The following HS6ST3 variants were observed in gnomAD, a reference collection of about 807,000 sequenced individuals.
HS6ST3 encodes the protein heparan sulfate 6-O-sulfotransferase 3.
Under a neutral mutation model 36.7 loss-of-function variants are expected in HS6ST3, and 12 were observed. The ratio of observed to expected loss-of-function variants is 0.33; its 90% CI spans 0.21 to 0.53. The LOEUF (loss-of-function observed/expected upper bound fraction) is 0.53, where lower values mean the gene tolerates loss of function less well. HS6ST3 is among the 20% of genes least tolerant of loss of function. The probability of loss-of-function intolerance (pLI) is 0.95; values close to 1 mark genes in which losing one functional copy is unlikely to be tolerated. For synonymous variants in HS6ST3, 240 were observed against 257.5 expected, an observed-to-expected ratio of 0.93 and a Z score of 0.65; for missense variants, 584 against 640.9, an observed-to-expected ratio of 0.91 and a Z score of 0.96.
At chr13:96,451,247 C>T (rs925804750) in intron 1 of HS6ST3, among the ~76,000 whole-genome samples, 1 of 151,710 alleles carries the variant, frequency 6.6e-6, no homozygotes, top group Non-Finnish European at 1.5e-5. Flanking sequence ...ATAAATAAAT[C>T]CAATGATGTT....
intron 1 of HS6ST3, among the ~76,000 whole-genome samples, chr13:96,194,061 C>T (rs144727746): frequency 3.3e-5 from 5 of 152,304 alleles, no homozygotes; most frequent in Non-Finnish European, 5.9e-5. Flanking sequence ...GTGGAATTCT[C>T]TTTTAATCTG....
chr13:96,175,081 C>T (rs890206203), intron 1 of HS6ST3, among the ~76,000 whole-genome samples: 2 of 152,148 alleles, frequency 1.3e-5, no homozygotes, highest in East Asian at 1.9e-4. Context: ...AGAATTTTTT[C>T]ATGACTGCTT....
At chr13:96,607,140 A>T (rs1002049442) in intron 1 of HS6ST3, among the ~76,000 whole-genome samples, 2 of 152,238 alleles carry the variant, frequency 1.3e-5, no homozygotes, top group African/African-American at 4.8e-5. Flanking sequence ...AATTGTGAAC[A>T]TCAAAACATT....
intron 1 of HS6ST3, among the ~76,000 whole-genome samples, chr13:96,234,316 A>C (rs994160836): frequency 1.3e-5 from 2 of 152,096 alleles, no homozygotes; most frequent in African/African-American, 4.8e-5. Context: ...AGGCTGAGGC[A>C]AGAGAATCGT....
intron 1 of HS6ST3, among the ~76,000 whole-genome samples, chr13:96,741,957 T>C (rs1376046840): frequency 6.6e-6 from 1 of 152,184 alleles, no homozygotes; most frequent in East Asian, 1.9e-4. Context: ...CTGCCTTCTA[T>C]GTGATTCATT....
chr13:96,211,667 A>C (rs1326188156), intron 1 of HS6ST3, among the ~76,000 whole-genome samples: 1 of 152,092 alleles, frequency 6.6e-6, no homozygotes, highest in East Asian at 1.9e-4. Flanking sequence ...CTCTTCTAGG[A>C]CAAAAAAAGA....
At chr13:96,825,704 C>T (rs988819603) in intron 1 of HS6ST3, among the ~76,000 whole-genome samples, 11 of 152,212 alleles carry the variant, frequency 7.2e-5, no homozygotes, top group Non-Finnish European at 1.2e-4. Flanking sequence ...TCAGAGCCTA[C>T]GGCAATTGGG....
At chr13:96,279,834 A>G (rs1390474930) in intron 1 of HS6ST3, among the ~76,000 whole-genome samples, 1 of 152,218 alleles carries the variant, frequency 6.6e-6, no homozygotes, top group South Asian at 2.1e-4. Context: ...AATTGCACCT[A>G]TAGTTTGGTG....
At chr13:96,800,963 C>G (rs1878051702) in intron 1 of HS6ST3, among the ~76,000 whole-genome samples, 1 of 152,080 alleles carries the variant, frequency 6.6e-6, no homozygotes, top group Non-Finnish European at 1.5e-5. Flanking sequence ...GTGCCATTGT[C>G]CCCAATTTCT....
intron 1 of HS6ST3, among the ~76,000 whole-genome samples, chr13:96,334,894 A>T (rs1393959806): frequency 6.6e-6 from 1 of 152,176 alleles, no homozygotes; most frequent in Non-Finnish European, 1.5e-5. Context: ...GGACTAACAC[A>T]TAGGTATAAG....
At chr13:96,344,706 T>G (rs566288098) in intron 1 of HS6ST3, among the ~76,000 whole-genome samples, 1 of 152,350 alleles carries the variant, frequency 6.6e-6, no homozygotes, top group African/African-American at 2.4e-5. Flanking sequence ...TTTCACTTCC[T>G]TCATTTGATG....
chr13:96,690,067 A>G (rs1874908375), intron 1 of HS6ST3, among the ~76,000 whole-genome samples: 1 of 152,084 alleles, frequency 6.6e-6, no homozygotes, highest in Non-Finnish European at 1.5e-5. Context: ...GGACATTGCT[A>G]AGTCATAGGT....
chr13:96,257,871 G>A (rs2054644825), intron 1 of HS6ST3, among the ~76,000 whole-genome samples: 1 of 152,164 alleles, frequency 6.6e-6, no homozygotes, highest in Non-Finnish European at 1.5e-5. Context: ...AGAAATCTTT[G>A]TGTTACAAGA....
intron 1 of HS6ST3, among the ~76,000 whole-genome samples, chr13:96,426,072 G>C (rs1480035520): frequency 1.3e-5 from 2 of 150,648 alleles, no homozygotes; most frequent in Non-Finnish European, 2.9e-5. Context: ...CACTTGTGTA[G>C]GTCAAATATT....
chr13:96,210,367 C>G (rs1048769431), intron 1 of HS6ST3, among the ~76,000 whole-genome samples: 5 of 152,164 alleles, frequency 3.3e-5, no homozygotes, highest in African/African-American at 1.2e-4. Context: ...AAACGCACTC[C>G]CCTCTCGCCA....
chr13:96,422,855 T>G (rs1196615921), intron 1 of HS6ST3, among the ~76,000 whole-genome samples: 1 of 152,212 alleles, frequency 6.6e-6, no homozygotes, highest in Non-Finnish European at 1.5e-5. Flanking sequence ...TTAAAATAAG[T>G]TTTCTCCTTT....
intron 1 of HS6ST3, among the ~76,000 whole-genome samples, chr13:96,120,532 A>G (rs559780342): frequency 6.6e-6 from 1 of 152,330 alleles, no homozygotes; most frequent in South Asian, 2.1e-4. Flanking sequence ...TATTTCCTAT[A>G]CATCATAGAG....
intron 1 of HS6ST3, among the ~76,000 whole-genome samples, chr13:96,450,151 G>A (rs2055720602): frequency 6.6e-6 from 1 of 152,218 alleles, no homozygotes; most frequent in Admixed American, 6.5e-5. Context: ...TGGCAGGTCA[G>A]TGAATTTGGA....
At chr13:96,134,529 A>G (rs1281213720) in intron 1 of HS6ST3, among the ~76,000 whole-genome samples, 3 of 151,984 alleles carry the variant, frequency 2.0e-5, no homozygotes, top group Non-Finnish European at 4.4e-5. Flanking sequence ...CTTGGTAACT[A>G]TTGTATAGAC....
Sources: allele counts gnomAD v4.1 joint callset (sites outside exome capture counted in the v4.1 genomes callset), GRCh38; gene constraint gnomAD v4.1.1; transcripts MANE v1.5; gene names NCBI Gene and HGNC (gene_info 2026-07-23, HGNC 2026-07-21).